Variants in SLCO1C1 observed in about 807,000 individuals in gnomAD.
SLCO1C1 encodes the protein solute carrier organic anion transporter family member 1C1, also known as OAT-RP-5.
Under a neutral mutation model 76.4 loss-of-function variants are expected in SLCO1C1, and 70 were observed. The ratio of observed to expected loss-of-function variants is 0.92; its 90% confidence interval spans 0.76 to 1.12. The LOEUF (loss-of-function observed/expected upper bound fraction) is 1.12. SLCO1C1 is among the 50% of genes most tolerant of loss of function. The pLI, the probability that SLCO1C1 is intolerant of heterozygous loss-of-function variation, is 0.00. For missense variants in SLCO1C1, 912 were observed against 823.8 expected (o/e 1.11, Z -1.31); for synonymous variants, 306 against 286.1 (o/e 1.07, Z -0.70).
chr12:20,727,609 A>G (rs1948080014), intron 9 of SLCO1C1, among the ~76,000 whole-genome samples: 1 of 152,186 alleles, frequency 6.6e-6, no homozygotes, highest in African/African-American at 2.4e-5. Flanking sequence ...TCGCGGGTTC[A>G]CGCCATTCTC....
intron 5 of SLCO1C1, among the ~76,000 whole-genome samples, chr12:20,713,325 C>T (rs1245673523): frequency 1.3e-5 from 2 of 152,010 alleles, no homozygotes; most frequent in African/African-American, 4.8e-5. Flanking sequence ...GTGATCCGCC[C>T]GCCTCGGCCT....
rs1431500067 is a variant in SLCO1C1 at position 20,740,126 on chromosome 12, TCTTTAA to T, written c.1549-52_1549-47del. ...ACGGTAAACATTTTTAACATAACTG[TCTTTAA>T]CTTTATTTAAATGTTACTGAAATAA... On this transcript the variant is annotated intron_variant, in intron 11 of 14. Coordinates refer to ENST00000266509, the MANE Select transcript of SLCO1C1 (RefSeq NM_017435.5). The T allele has an allele frequency of 2.4e-5, 35 of 1,451,618 alleles. No individual in the cohort carries two copies. The Admixed American group carries it at 6.6e-4, about 27-fold the overall frequency. 89.9% of individuals were successfully genotyped at this position (1,451,618 alleles called of 1,614,324 possible).
At chr12:20,742,372 G>T (rs1488219574) in intron 12 of SLCO1C1, among the ~76,000 whole-genome samples, 1 of 149,930 alleles carries the variant, frequency 6.7e-6, no homozygotes, top group African/African-American at 2.4e-5. Context: ...GAGACTAAAT[G>T]ATATAATATG....
At chr12:20,707,900 C>T (rs1340458086) in intron 4 of SLCO1C1, among the ~76,000 whole-genome samples, 1 of 152,154 alleles carries the variant, frequency 6.6e-6, no homozygotes, top group Non-Finnish European at 1.5e-5. Context: ...GGGACAGAGA[C>T]AGATTCTTAT....
chr12:20,749,695 A>G (rs1949207146), intron 13 of SLCO1C1, among the ~76,000 whole-genome samples: 1 of 152,204 alleles, frequency 6.6e-6, no homozygotes, highest in Non-Finnish European at 1.5e-5. Context: ...ACATTTTCTG[A>G]GAACCTACTA....
intron 10 of SLCO1C1, among the ~76,000 whole-genome samples, chr12:20,734,543 A>G (rs763144268): frequency 1.6e-4 from 24 of 152,190 alleles, no homozygotes; most frequent in Non-Finnish European, 3.1e-4. Context: ...TATATCCTCA[A>G]AACACCTTTA....
chr12:20,699,769 T>A, intron 2 of SLCO1C1, 64 bp downstream of exon 2: 1 of 1,465,928 alleles, frequency 6.8e-7, no homozygotes, highest in Non-Finnish European at 9.1e-7. Flanking sequence ...ATCATCTATA[T>A]AATGAAGTTA....
At chr12:20,701,261 T>C in intron 2 of SLCO1C1, 57 bp from the exon 3 acceptor site, 1 of 1,392,518 alleles carries the variant, frequency 7.2e-7, no homozygotes, top group African/African-American at 1.5e-5. Context: ...ATTTACTTAG[T>C]TTCCAATTGT....
intron 3 of SLCO1C1, among the ~76,000 whole-genome samples, chr12:20,701,923 A>C (rs571161835): frequency 9.7e-4 from 148 of 152,094 alleles, no homozygotes; most frequent in African/African-American, 3.5e-3. Flanking sequence ...CCAGTGGTCT[A>C]GAAAGAAGAA....
Position 20,743,286 on chromosome 12 carries a change from G to C in SLCO1C1, c.1734-19G>C, listed in dbSNP as rs1320428555. ...AATGGATTATATATTTCTTGTAATG[G>C]TGCTTTTGTTGATTTTAGGTGCATT... On this transcript the variant is annotated intron_variant, in intron 12 of 14. Transcript: ENST00000266509. The C allele has an allele frequency of 1.2e-6, 2 of 1,608,994 alleles. No homozygotes were observed. Among genetic ancestry groups the C allele is most frequent in the Non-Finnish European group, 1.7e-6 (2 of 1,176,556 alleles).
intron 9 of SLCO1C1, among the ~76,000 whole-genome samples, chr12:20,725,414 AAT>A (rs1336689713): frequency 7.2e-6 from 1 of 138,716 alleles, no homozygotes. Flanking sequence ...ATACTATAAT[AAT>A]ATAGTAACAT....
At chr12:20,708,918 G>A (rs1046710043) in intron 4 of SLCO1C1, among the ~76,000 whole-genome samples, 3 of 152,188 alleles carry the variant, frequency 2.0e-5, no homozygotes, top group African/African-American at 4.8e-5. Flanking sequence ...GAGTCATAAA[G>A]TTAGGACAAT....
chr12:20,740,787 T>TTTTATATATATATATATATATATA (rs1217819863), intron 12 of SLCO1C1, among the ~76,000 whole-genome samples: 5 of 75,078 alleles, frequency 6.7e-5, no homozygotes, highest in African/African-American at 2.2e-4. Flanking sequence ...TTTATTTTAT[T>TTTTATATATATATATATATATATA]TATATATATA....
In SLCO1C1 at chr12:20,695,795, T is replaced by A. The variant is rs946319148; in HGVS notation, c.-38T>A. ...ATTGAAAGGAACTGGCTATCTTTGA[T>A]CTCTTCCTCCAGGTAAGACTTGGTT... On this transcript the variant is annotated 5_prime_UTR_variant, in exon 1 of 15. Transcript: ENST00000266509. 6.6e-6 allele frequency: 1 copy of A among 152,154 alleles called. No individual in the cohort carries two copies. Among genetic ancestry groups the A allele is most frequent in the African/African-American group, 2.4e-5 (1 of 41,442 alleles). The allele number at this position is 152,154 out of a possible 1,614,324, so 9.4% of individuals were successfully genotyped here.
intron 3 of SLCO1C1, 75 bp from the exon 4 acceptor site, chr12:20,705,874 A>T (rs1450221757): frequency 6.9e-6 from 10 of 1,449,194 alleles, no homozygotes; most frequent in African/African-American, 1.4e-5. Context: ...GGTCTGCTGT[A>T]TACATTCATT....
chr12:20,727,026 C>A (rs886284894), intron 9 of SLCO1C1, among the ~76,000 whole-genome samples: 4 of 152,178 alleles, frequency 2.6e-5, no homozygotes, highest in African/African-American at 9.7e-5. Flanking sequence ...TGTGTTGCTG[C>A]AAAGGGCATG....
chr12:20,724,441 ATATATATATATGTGTGTG>A (rs1358406619), intron 9 of SLCO1C1, among the ~76,000 whole-genome samples: 2 of 108,582 alleles, frequency 1.8e-5, no homozygotes, highest in East Asian at 4.8e-4. Context: ...ATATATATAT[ATATATATATATGTGTGTG>A]TGTGTGTGTG....
intron 7 of SLCO1C1, among the ~76,000 whole-genome samples, chr12:20,721,458 T>C (rs996288057): frequency 2.0e-5 from 3 of 151,984 alleles, no homozygotes; most frequent in Non-Finnish European, 4.4e-5. Flanking sequence ...TTTTAAGCAA[T>C]AACTTTTTTT....
At chr12:20,734,722 T>C (rs2120840078) in intron 10 of SLCO1C1, among the ~76,000 whole-genome samples, 1 of 152,286 alleles carries the variant, frequency 6.6e-6, no homozygotes, top group East Asian at 1.9e-4. Flanking sequence ...AAAGTATTCC[T>C]ACATAATCAA....
Sources: gnomAD v4.1 joint callset for allele counts (sites outside exome capture counted in the v4.1 genomes callset) on GRCh38, gnomAD v4.1.1 for gene constraint, MANE v1.5 for transcripts, NCBI Gene and HGNC (gene_info 2026-07-23, HGNC 2026-07-21) for gene names.